The following S1PR1 variants were observed in gnomAD, a reference collection of about 807,000 sequenced individuals.
The protein encoded by S1PR1 is sphingosine-1-phosphate receptor 1, also known as sphingosine 1-phosphate receptor 1.
A neutral mutation model predicts 18.3 loss-of-function variants in S1PR1; 2 were observed. The ratio of observed to expected loss-of-function variants is 0.11; its 90% confidence interval spans 0.04 to 0.34. The LOEUF is 0.34. S1PR1 is among the 10% of genes least tolerant of loss of function. The probability of loss-of-function intolerance (pLI) is 1.00; values close to 1 mark genes in which losing one functional copy is unlikely to be tolerated. For missense variants in S1PR1, 335 were observed against 493.8 expected (o/e 0.68, Z 3.05); for synonymous variants, 222 against 211.2 (o/e 1.05, Z -0.44).
chr1:101,239,890 C>T lies in S1PR1; in HGVS notation c.906C>T (p.Leu302=), dbSNP rs750419107. Reference sequence around the variant, plus strand: ...AGTACTTCCTGGTGTTAGCTGTGCTCAACTCCGGCACCAACCCCATCATTT... The same window carrying T: ...AGTACTTCCTGGTGTTAGCTGTGCTTAACTCCGGCACCAACCCCATCATTT... ...RAEYFLVLAV[L]NSGTNPIIYT... is the part of the protein sequence containing the mutation. Residue 302 remains leucine, a synonymous_variant, in exon 2 of 2, where the codon CTC becomes CTT. Coordinates refer to ENST00000305352, the MANE Select transcript of S1PR1 (RefSeq NM_001400.5). The surrounding 1 kb of genome is among the most constrained non-coding windows in gnomAD (Gnocchi z 6.3). The T allele has an allele frequency of 1.2e-6, 2 of 1,613,888 alleles. No homozygotes were observed. Among genetic ancestry groups the T allele is most frequent in the East Asian group, 4.5e-5 (2 of 44,876 alleles).
Position 101,239,932 on chromosome 1 carries a change from G to T in S1PR1, c.948G>T (p.Lys316Asn). Residue 316 changes from lysine to asparagine, a missense_variant, in exon 2 of 2, where the codon AAG becomes AAT. Physicochemically the swap from Lys to Asn is moderately conservative, Grantham distance 94 (BLOSUM62 0). This residue lies in a region of S1PR1 where 90 missense variants were observed against 97.6 expected (regional missense o/e 0.92). Transcript: ENST00000305352. This position sits in a 1 kb window ranked among gnomAD's most constrained non-coding sequence, Gnocchi z 6.3. ...CCATCATTTACACTCTGACCAACAA[G>T]GAGATGCGTCGGGCCTTCATCCGGA... is the stretch of plus-strand genomic sequence containing the variant. ...TNPIIYTLTN[K>N]EMRRAFIRIM... 6.2e-7 allele frequency: 1 copy of T among 1,614,058 alleles called. No homozygotes were observed. Among genetic ancestry groups the T allele is most frequent in the Non-Finnish European group, 8.5e-7 (1 of 1,180,030 alleles).
Position 101,238,817 on chromosome 1 carries a change from T to C in S1PR1, c.-163-5T>C. ...TCCCTGACTCTCTCCTCTGACTTGTTTAAGGCTGCGGTTTCCGAGGCCCTC... is the reference window on the plus strand; with the variant it reads ...TCCCTGACTCTCTCCTCTGACTTGTCTAAGGCTGCGGTTTCCGAGGCCCTC... On this transcript the variant is annotated splice_region_variant and splice_polypyrimidine_tract_variant and intron_variant, in intron 1 of 1. Coordinates refer to ENST00000305352, the MANE Select transcript of S1PR1 (RefSeq NM_001400.5). 1.6e-6 allele frequency: 1 copy of C among 639,730 alleles called. No homozygotes were observed. The highest frequency in any genetic ancestry group is 2.7e-5 in the East Asian group (1 of 36,756). The allele number at this position is 639,730 out of a possible 1,614,324, so 39.6% of individuals were successfully genotyped here. A position where few individuals can be genotyped will look rare whatever the true frequency, so the allele number is the denominator to read the frequency against.
intron 1 of S1PR1, among the ~76,000 whole-genome samples, 179 bp from the exon 2 acceptor site, chr1:101,238,643 G>GA (rs999868321): frequency 3.1e-4 from 44 of 143,570 alleles, no homozygotes; most frequent in East Asian, 6.0e-4. Flanking sequence ...TTTGAAAAAA[G>GA]AAAAAAAAGG....
intron 1 of S1PR1, among the ~76,000 whole-genome samples, chr1:101,237,923 T>C (rs189133040): frequency 2.2e-4 from 33 of 148,536 alleles, no homozygotes; most frequent in African/African-American, 7.7e-4. Flanking sequence ...ACGAAACTTC[T>C]GGGATTTGCT....
Position 101,238,886 on chromosome 1 carries a change from G to C in S1PR1, c.-99G>C. 1 of 1,225,434 alleles carries C rather than the reference G, an allele frequency of 8.2e-7. No homozygotes were observed. Among genetic ancestry groups the C allele is most frequent in the Non-Finnish European group, 1.1e-6 (1 of 899,454 alleles). The allele number at this position is 1,225,434 out of a possible 1,614,324, so 75.9% of individuals were successfully genotyped here. A position where few individuals can be genotyped will look rare whatever the true frequency, so the allele number is the denominator to read the frequency against. On this transcript the variant is annotated 5_prime_UTR_variant, in exon 2 of 2. Coordinates refer to ENST00000305352, the MANE Select transcript of S1PR1 (RefSeq NM_001400.5). Reference sequence around the variant, plus strand: ...ACACAAAAAGCCTGGATCACTCATCGAACCACCCCTGAAGCCAGTGAAGGC... The same window carrying C: ...ACACAAAAAGCCTGGATCACTCATCCAACCACCCCTGAAGCCAGTGAAGGC...
Position 101,239,473 on chromosome 1 carries a change from A to G in S1PR1, c.489A>G (p.Leu163=), listed in dbSNP as rs377495708. 2.5e-6 allele frequency: 4 copies of G among 1,614,142 alleles called. No homozygotes were observed. The highest frequency in any genetic ancestry group is 3.4e-6 in the Non-Finnish European group (4 of 1,180,030). Residue 163 remains leucine (L), a synonymous_variant, in exon 2 of 2, where the codon CTA becomes CTG. Transcript: ENST00000305352. This position sits in a 1 kb window ranked among gnomAD's most constrained non-coding sequence, Gnocchi z 6.3. ...GCAATAACTTCCGCCTCTTCCTGCTAATCAGCGCCTGCTGGGTCATCTCCC... is the reference window on the plus strand; with the variant it reads ...GCAATAACTTCCGCCTCTTCCTGCTGATCAGCGCCTGCTGGGTCATCTCCC... ...NGSNNFRLFL[L]ISACWVISLI...
At position 101,239,008 on chromosome 1, in the gene S1PR1, G is replaced by A. The variant is rs1244497575; in HGVS notation, c.24G>A (p.Leu8=). The change falls in exon 2 of 2, where the codon CTG becomes CTA. Residue 8 remains leucine, a synonymous_variant. Transcript: ENST00000305352. The surrounding 1 kb of genome is among the most constrained non-coding windows in gnomAD (Gnocchi z 6.3). MGPTSVP[L]VKAHRSSVSD... is the part of the protein sequence containing the mutation. ...CCATGGGGCCCACCAGCGTCCCGCT[G>A]GTCAAGGCCCACCGCAGCTCGGTCT... 2 of 1,613,950 alleles carry A rather than the reference G, an allele frequency of 1.2e-6. No homozygotes were observed. The highest frequency in any genetic ancestry group is 1.7e-6 in the Non-Finnish European group (2 of 1,179,840).
chr1:101,241,762 C>T (rs947244270), downstream of S1PR1, among the ~76,000 whole-genome samples: 1 of 152,100 alleles, frequency 6.6e-6, no homozygotes, highest in African/African-American at 2.4e-5. Context: ...TTCTGAATAC[C>T]ACATTGGCTA....
Position 101,239,844 on chromosome 1 carries a change from G to T in S1PR1, c.860G>T (p.Cys287Phe). The T allele has an allele frequency of 6.2e-7, 1 of 1,613,738 alleles. No homozygotes were observed. Among genetic ancestry groups the T allele is most frequent in the Non-Finnish European group, 8.5e-7 (1 of 1,180,038 alleles). ...LLDVGCKVKT[C>F]DILFRAEYFL... is the part of the protein sequence containing the mutation. ...GATGTGGGCTGCAAGGTGAAGACCTGTGACATCCTCTTCAGAGCGGAGTAC... is the reference window on the plus strand; with the variant it reads ...GATGTGGGCTGCAAGGTGAAGACCTTTGACATCCTCTTCAGAGCGGAGTAC... Residue 287 changes from cysteine (C) to phenylalanine (F), a missense_variant, in exon 2 of 2, where the codon TGT becomes TTT. Cys to Phe is a radical substitution (Grantham distance 205). Around this residue, in one of 3 missense-constraint regions of S1PR1, gnomAD observed 214 missense variants for 366.6 expected, o/e 0.58. Coordinates refer to ENST00000305352, the MANE Select transcript of S1PR1 (RefSeq NM_001400.5). The surrounding 1 kb of genome is among the most constrained non-coding windows in gnomAD (Gnocchi z 6.3).
Position 101,240,164 on chromosome 1 carries a change from T to G in S1PR1, c.*31T>G. ...GAAGCTGTCCACCCACCGGAAGCGC[T>G]CTTTACTTGGTCGCTGGCCACCCCA... On this transcript the variant is annotated 3_prime_UTR_variant, in exon 2 of 2. Transcript: ENST00000305352. 1 of 1,610,980 alleles carries G rather than the reference T, an allele frequency of 6.2e-7. No individual in the cohort carries two copies. Among genetic ancestry groups the G allele is most frequent in the Non-Finnish European group, 8.5e-7 (1 of 1,178,844 alleles).
Position 101,238,955 on chromosome 1 carries a change from C to G in S1PR1, c.-30C>G, listed in dbSNP as rs755789043. On this transcript the variant is annotated 5_prime_UTR_variant, in exon 2 of 2. Transcript: ENST00000305352. The stretch of plus-strand genomic sequence containing the variant: ...AGCGTTCGTCTGGAGTAGCGCCACC[C>G]CGGCTTCCTGGGGACACAGGGTTGG... 9 of 1,585,160 alleles carry G rather than the reference C, an allele frequency of 5.7e-6. 1 individual carries two copies. In the South Asian group the frequency reaches 9.3e-5, roughly 16 times the overall value.
downstream of S1PR1, chr1:101,241,528 G>A (rs546875023): frequency 5.4e-5 from 9 of 166,954 alleles, no homozygotes; most frequent in East Asian, 1.5e-3. Flanking sequence ...ATCCCTTTGT[G>A]AAGAGCATTC....
Position 101,240,408 on chromosome 1 carries a change from G to T in S1PR1, c.*275G>T, listed in dbSNP as rs1224376935. 6 of 508,092 alleles carry T rather than the reference G, an allele frequency of 1.2e-5. No homozygotes were observed. Among genetic ancestry groups the T allele is most frequent in the African/African-American group, 3.9e-5 (2 of 51,884 alleles). The allele number at this position is 508,092 out of a possible 1,614,324, so 31.5% of individuals were successfully genotyped here. On this transcript the variant is annotated 3_prime_UTR_variant, in exon 2 of 2. Transcript: ENST00000305352. ...GCTTTGATTTTGCACTGAGCCAAAGGTCTAGCATTGTCAAGCTCCTAAAGG... is the reference window on the plus strand; with the variant it reads ...GCTTTGATTTTGCACTGAGCCAAAGTTCTAGCATTGTCAAGCTCCTAAAGG...
rs200434002 is a variant in S1PR1 at position 101,238,841 on chromosome 1, T to A, written c.-144T>A. On this transcript the variant is annotated 5_prime_UTR_variant, in exon 2 of 2. Coordinates refer to ENST00000305352, the MANE Select transcript of S1PR1 (RefSeq NM_001400.5). ...TTTAAGGCTGCGGTTTCCGAGGCCC[T>A]CTCCAGCCAAGGAAAAGCTACACAA... is the stretch of plus-strand genomic sequence containing the variant. 1 of 780,714 alleles carries A rather than the reference T, an allele frequency of 1.3e-6. No homozygotes were observed. The highest frequency in any genetic ancestry group is 2.7e-5 in the East Asian group (1 of 37,450). 48.4% of individuals were successfully genotyped at this position (780,714 alleles called of 1,614,324 possible).
downstream of S1PR1, among the ~76,000 whole-genome samples, chr1:101,241,937 G>A (rs1290531536): frequency 1.3e-5 from 2 of 151,526 alleles, no homozygotes; most frequent in Non-Finnish European, 2.9e-5. Context: ...CATCAAAAAA[G>A]CATACATTCT....
upstream of S1PR1, chr1:101,236,969 G>A (rs777331630): frequency 6.6e-6 from 1 of 150,568 alleles, no homozygotes; most frequent in African/African-American, 2.5e-5. Context: ...GCTCCGCTGC[G>A]GAGGGAGGGG....
rs772957602 is a variant in S1PR1 at position 101,238,991 on chromosome 1, C to A, written c.7C>A (p.Pro3Thr). ...GGGACACAGGGTTGGCACCATGGGG[C>A]CCACCAGCGTCCCGCTGGTCAAGGC... is the stretch of plus-strand genomic sequence containing the variant. The part of the protein sequence containing the change: MG[P>T]TSVPLVKAHR... Residue 3 changes from proline to threonine, a missense_variant, in exon 2 of 2, where the codon CCC (proline) becomes ACC (threonine). Pro to Thr is a conservative substitution (Grantham distance 38, BLOSUM62 -1). Coordinates refer to ENST00000305352, the MANE Select transcript of S1PR1 (RefSeq NM_001400.5). 1.2e-6 allele frequency: 2 copies of A among 1,612,112 alleles called. No individual in the cohort carries two copies. The highest frequency in any genetic ancestry group is 1.7e-6 in the Non-Finnish European group (2 of 1,178,816).
Position 101,239,752 on chromosome 1 carries a change from G to T in S1PR1, c.768G>T (p.Lys256Asn). The T allele has an allele frequency of 6.2e-7, 1 of 1,613,804 alleles. No individual in the cohort carries two copies. The highest frequency in any genetic ancestry group is 8.5e-7 in the Non-Finnish European group (1 of 1,180,022). Reference protein sequence around the residue: ...RSSEKSLALLKTVIIVLSVFI... With the variant: ...RSSEKSLALLNTVIIVLSVFI... ...CTGAGAAGTCGCTGGCGCTGCTCAA[G>T]ACCGTAATTATCGTCCTGAGCGTCT... The change falls in exon 2 of 2, where the codon AAG (lysine) becomes AAT (asparagine). Residue 256 changes from lysine (K) to asparagine (N), a missense_variant. Around this residue, in one of 3 missense-constraint regions of S1PR1, gnomAD observed 214 missense variants for 366.6 expected, o/e 0.58. Transcript: ENST00000305352. The surrounding 1 kb of genome is among the most constrained non-coding windows in gnomAD (Gnocchi z 6.3).
chr1:101,241,032 A>G lies in S1PR1; in HGVS notation c.*899A>G, dbSNP rs1005828904. The G allele has an allele frequency of 1.2e-5, 2 of 167,118 alleles. No individual in the cohort carries two copies. Among genetic ancestry groups the G allele is most frequent in the African/African-American group, 2.4e-5 (1 of 41,460 alleles). The allele number at this position is 167,118 out of a possible 1,614,324, so 10.4% of individuals were successfully genotyped here. On this transcript the variant is annotated 3_prime_UTR_variant, in exon 2 of 2. Coordinates refer to ENST00000305352, the MANE Select transcript of S1PR1 (RefSeq NM_001400.5). ...GGGAGATTTCTTAGCAAATGAGTCT[A>G]ACAAATATGACATCTGTCTTTGGCA... is the stretch of plus-strand genomic sequence containing the variant.
Sources: allele counts gnomAD v4.1 joint callset (sites outside exome capture counted in the v4.1 genomes callset), GRCh38; gene constraint gnomAD v4.1.1; regional missense constraint gnomAD v4.1.1; non-coding constraint Gnocchi (gnomAD v3.1); transcripts MANE v1.5; gene names NCBI Gene and HGNC (gene_info 2026-07-23, HGNC 2026-07-21).